TAF4B: variants seen among roughly 807,000 people sequenced by gnomAD.
The protein encoded by TAF4B is TATA-box binding protein associated factor 4b.
Under a neutral mutation model 86.4 loss-of-function variants are expected in TAF4B, and 38 were observed. That is an observed-to-expected ratio of 0.44 (90% CI 0.34 to 0.58). The LOEUF (loss-of-function observed/expected upper bound fraction) is 0.58, where lower values mean the gene tolerates loss of function less well. Among genes scored for constraint, TAF4B ranks in the 20% least tolerant of loss-of-function variants. The pLI, the probability that TAF4B is intolerant of heterozygous loss-of-function variation, is 0.02. For synonymous variants in TAF4B, 388 were observed against 391.2 expected, an observed-to-expected ratio of 0.99 and a Z score of 0.10; for missense variants, 988 against 1,027.6, an observed-to-expected ratio of 0.96 and a Z score of 0.53.
At chr18:26,385,697 T>TTC (rs1215941733) in intron 14 of TAF4B, among the ~76,000 whole-genome samples, 63 of 147,746 alleles carry the variant, frequency 4.3e-4, no homozygotes, top group Non-Finnish European at 7.7e-4. Context: ...TTTTTTTTCT[T>TTC]CTTCTTCTTC....
chr18:26,300,389 T>C (rs2144631860), intron 9 of TAF4B, among the ~76,000 whole-genome samples: 1 of 148,810 alleles, frequency 6.7e-6, no homozygotes, highest in Non-Finnish European at 1.5e-5. Flanking sequence ...GGCTACAAGA[T>C]AAAAACAACA....
intron 7 of TAF4B, among the ~76,000 whole-genome samples, 176 bp from the exon 8 acceptor site, chr18:26,292,070 G>A (rs1776482571): frequency 2.0e-5 from 3 of 152,264 alleles, no homozygotes; most frequent in South Asian, 2.1e-4. Context: ...AGATAGTAAC[G>A]TTTTTCACTT....
At chr18:26,299,480 G>GT (rs1194695497) in intron 9 of TAF4B, among the ~76,000 whole-genome samples, 1 of 151,990 alleles carries the variant, frequency 6.6e-6, no homozygotes, top group Non-Finnish European at 1.5e-5. Flanking sequence ...TTGGTCTATA[G>GT]TTTTTTGTTC....
At chr18:26,357,347 A>G (rs2057295770) in intron 13 of TAF4B, among the ~76,000 whole-genome samples, 1 of 152,194 alleles carries the variant, frequency 6.6e-6, no homozygotes, top group South Asian at 2.1e-4. Context: ...GAAATGGTTT[A>G]CTATAGTTTG....
intron 14 of TAF4B, among the ~76,000 whole-genome samples, chr18:26,359,251 C>T (rs1258816456): frequency 9.9e-5 from 15 of 152,122 alleles, no homozygotes; most frequent in Admixed American, 9.8e-4. Flanking sequence ...ATAATTTATT[C>T]AACCAACCCT....
At chr18:26,277,049 A>C (rs1046481528) in intron 5 of TAF4B, among the ~76,000 whole-genome samples, 1 of 152,148 alleles carries the variant, frequency 6.6e-6, no homozygotes, top group Non-Finnish European at 1.5e-5. Flanking sequence ...TGTGGGGTTA[A>C]CATTAAAACT....
chr18:26,255,273 T>C (rs1216330141), intron 1 of TAF4B, among the ~76,000 whole-genome samples: 7 of 151,968 alleles, frequency 4.6e-5, no homozygotes, highest in Non-Finnish European at 7.4e-5. Context: ...GTACAACTCT[T>C]TTTTTAGTAA....
chr18:26,244,923 C>T (rs973340237), intron 1 of TAF4B, among the ~76,000 whole-genome samples: 3 of 152,198 alleles, frequency 2.0e-5, no homozygotes, highest in African/African-American at 7.2e-5. Context: ...CCGCTCACTG[C>T]TGCAGGGTCA....
chr18:26,234,720 G>T (rs1325413471), intron 1 of TAF4B, among the ~76,000 whole-genome samples: 1 of 152,172 alleles, frequency 6.6e-6, no homozygotes, highest in African/African-American at 2.4e-5. Flanking sequence ...ACAATTTGTT[G>T]GCAGTCATGC....
chr18:26,298,038 G>A (rs1440795665), intron 9 of TAF4B, among the ~76,000 whole-genome samples: 10 of 96,520 alleles, frequency 1.0e-4, no homozygotes, highest in South Asian at 1.0e-3. Context: ...GTCTCTCCCC[G>A]CCCCCCACCC....
At chr18:26,346,895 ATATATGTG>A (rs2057201415) in intron 13 of TAF4B, among the ~76,000 whole-genome samples, 1 of 9,894 alleles carries the variant, frequency 1.0e-4, no homozygotes, top group African/African-American at 1.9e-4. Context: ...ATATATATAT[ATATATGTG>A]TGTGTATATA....
intron 14 of TAF4B, among the ~76,000 whole-genome samples, chr18:26,373,781 A>AT (rs1453850783): frequency 2.6e-5 from 4 of 151,980 alleles, no homozygotes; most frequent in Non-Finnish European, 5.9e-5. Context: ...TCATTTATTC[A>AT]TTCCTCCCTC....
intron 9 of TAF4B, chr18:26,295,175 C>T (rs1219246746): frequency 2.6e-5 from 10 of 384,034 alleles, no homozygotes; most frequent in Middle Eastern, 3.5e-4. Flanking sequence ...CTCATCCCCC[C>T]ATGTACATTT....
At chr18:26,389,755 G>A (rs1056551460) in intron 14 of TAF4B, 90 bp from the exon 15 acceptor site, 2 of 1,358,554 alleles carry the variant, frequency 1.5e-6, no homozygotes, top group African/African-American at 2.9e-5. Flanking sequence ...AGTGACCAGA[G>A]GGTAGTGGGC....
chr18:26,320,215 C>T (rs1251398550), intron 10 of TAF4B, among the ~76,000 whole-genome samples: 1 of 152,112 alleles, frequency 6.6e-6, no homozygotes, highest in Non-Finnish European at 1.5e-5. Context: ...TAAAAACAAT[C>T]ACAGTAGTGC....
chr18:26,346,773 ATGTGTGTGTATATATATATATATATGTG>A (rs2057186524), intron 13 of TAF4B, among the ~76,000 whole-genome samples: 5 of 24,100 alleles, frequency 2.1e-4, no homozygotes, highest in African/African-American at 2.2e-4. Flanking sequence ...ATATATATAT[ATGTGTGTGTATATATATATATATATGTG>A]TATATATATA....
At chr18:26,340,150 TAG>T (rs1320034951) in intron 13 of TAF4B, among the ~76,000 whole-genome samples, 1 of 152,352 alleles carries the variant, frequency 6.6e-6, no homozygotes, top group East Asian at 1.9e-4. Flanking sequence ...ATAGAAAATA[TAG>T]GTTATAAAAA....
chr18:26,329,749 G>A (rs541741983), intron 12 of TAF4B, among the ~76,000 whole-genome samples: 2 of 152,190 alleles, frequency 1.3e-5, no homozygotes, highest in Admixed American at 6.5e-5. Context: ...ATTTCAAAAG[G>A]GTCATATTGG....
chr18:26,245,396 T>C (rs1363330606), intron 1 of TAF4B, among the ~76,000 whole-genome samples: 1 of 152,056 alleles, frequency 6.6e-6, no homozygotes, highest in Non-Finnish European at 1.5e-5. Flanking sequence ...AGGTTTACTG[T>C]GAAGAGCGAT....
Sources: allele counts gnomAD v4.1 joint callset (sites outside exome capture counted in the v4.1 genomes callset), GRCh38; gene constraint gnomAD v4.1.1; transcripts MANE v1.5; gene names NCBI Gene and HGNC (gene_info 2026-07-23, HGNC 2026-07-21).